Variants in ENOX1 observed in about 807,000 individuals in gnomAD.
ENOX1 encodes candidate growth-related and time keeping constitutive hydroquinone (NADH) oxidase.
A neutral mutation model predicts 82.5 loss-of-function variants in ENOX1; 42 were observed. The observed-to-expected ratio is 0.51, with a 90% CI of 0.40 to 0.66. The LOEUF is 0.66. ENOX1 is among the 30% of genes least tolerant of loss of function. The pLI, the probability that ENOX1 is intolerant of heterozygous loss-of-function variation, is 0.00. For missense variants in ENOX1, 608 were observed against 811.6 expected (o/e 0.75, Z 3.05); for synonymous variants, 271 against 282.2 (o/e 0.96, Z 0.40).
intron 5 of ENOX1, among the ~76,000 whole-genome samples, 158 bp downstream of exon 5, chr13:43,411,758 G>A (rs564076047): frequency 7.2e-5 from 11 of 152,332 alleles, no homozygotes; most frequent in African/African-American, 2.6e-4. Context: ...AGAGAAAGGT[G>A]ATGAGGAAAA....
At chr13:43,415,057 T>C (rs1217136805) in intron 3 of ENOX1, among the ~76,000 whole-genome samples, 1 of 152,132 alleles carries the variant, frequency 6.6e-6, no homozygotes, top group Admixed American at 6.5e-5. Context: ...AATACTTTCA[T>C]GGCCATCTTA....
intron 9 of ENOX1, among the ~76,000 whole-genome samples, chr13:43,342,909 C>T (rs1030574160): frequency 6.6e-6 from 1 of 152,174 alleles, no homozygotes; most frequent in Non-Finnish European, 1.5e-5. Flanking sequence ...ATCACAGGGG[C>T]ATTTTAATAG....
At chr13:43,440,263 A>T (rs74375741) in intron 3 of ENOX1, among the ~76,000 whole-genome samples, 2,481 of 152,288 alleles carry the variant, frequency 0.016, 57 homozygotes, top group African/African-American at 0.056. Flanking sequence ...TAGACAAAAA[A>T]CCACTAAATG....
intron 2 of ENOX1, among the ~76,000 whole-genome samples, chr13:43,567,083 C>A (rs994106662): frequency 4.6e-5 from 7 of 152,090 alleles, no homozygotes; most frequent in African/African-American, 1.7e-4. Context: ...TATTTCCATG[C>A]CAATTACTGA....
At chr13:43,516,643 T>C (rs2077571690) in intron 2 of ENOX1, among the ~76,000 whole-genome samples, 1 of 152,102 alleles carries the variant, frequency 6.6e-6, no homozygotes, top group Non-Finnish European at 1.5e-5. Context: ...CTGCAGTACT[T>C]TGGTTCTTTG....
chr13:43,653,815 G>A (rs764579921), intron 2 of ENOX1, among the ~76,000 whole-genome samples: 5 of 152,056 alleles, frequency 3.3e-5, no homozygotes, highest in African/African-American at 7.2e-5. Flanking sequence ...GTGGGACAGG[G>A]ATAAGGTGCT....
At chr13:43,575,566 C>G (rs185968179) in intron 2 of ENOX1, among the ~76,000 whole-genome samples, 1 of 152,126 alleles carries the variant, frequency 6.6e-6, no homozygotes, top group African/African-American at 2.4e-5. Context: ...CTAAGAAGAA[C>G]CTCTGCCTTC....
chr13:43,276,210 C>T (rs897511789), intron 12 of ENOX1, among the ~76,000 whole-genome samples: 4 of 152,248 alleles, frequency 2.6e-5, no homozygotes, highest in African/African-American at 9.6e-5. Flanking sequence ...GAATTCTCAC[C>T]AAAGGCGATG....
At chr13:43,752,771 G>A (rs1260319738) in intron 1 of ENOX1, among the ~76,000 whole-genome samples, 1 of 151,862 alleles carries the variant, frequency 6.6e-6, no homozygotes, top group Non-Finnish European at 1.5e-5. Context: ...GATTACTGTA[G>A]CATTACAAGT....
At chr13:43,754,490 G>C (rs776339112) in intron 1 of ENOX1, among the ~76,000 whole-genome samples, 2 of 151,092 alleles carry the variant, frequency 1.3e-5, no homozygotes, top group African/African-American at 4.9e-5. Context: ...GTGCCACTAC[G>C]CCTGGCTAGT....
At chr13:43,262,203 AT>A (rs570927496) in intron 14 of ENOX1, among the ~76,000 whole-genome samples, 40 of 152,100 alleles carry the variant, frequency 2.6e-4, no homozygotes, top group Admixed American at 1.8e-3. Context: ...AGATACCAAG[AT>A]TTTTTTTCCT....
At chr13:43,684,095 CAA>C (rs55919280) in intron 1 of ENOX1, among the ~76,000 whole-genome samples, 2 of 106,466 alleles carry the variant, frequency 1.9e-5, no homozygotes, top group Non-Finnish European at 1.8e-5. Context: ...GACTCTGTCT[CAA>C]AAAAAAAAAA....
chr13:43,484,176 G>A (rs1040978465), intron 2 of ENOX1, 24 bp from the exon 3 acceptor site: 75 of 984,088 alleles, frequency 7.6e-5, no homozygotes, highest in Middle Eastern at 5.2e-4. Context: ...AAAGCACACC[G>A]TTAGGATATG....
chr13:43,371,064 A>G (rs1485795153), intron 5 of ENOX1, among the ~76,000 whole-genome samples: 1 of 152,036 alleles, frequency 6.6e-6, no homozygotes, highest in African/African-American at 2.4e-5. Context: ...TCACATCCCT[A>G]TCTCATTAGC....
intron 11 of ENOX1, 104 bp downstream of exon 11, chr13:43,322,280 T>C: frequency 1.2e-6 from 1 of 806,734 alleles, no homozygotes; most frequent in East Asian, 2.5e-5. Flanking sequence ...AAGTTTAGTA[T>C]AATTCAAATA....
intron 2 of ENOX1, among the ~76,000 whole-genome samples, chr13:43,521,703 G>A (rs2077776937): frequency 1.3e-5 from 2 of 152,098 alleles, no homozygotes; most frequent in Admixed American, 1.3e-4. Context: ...AAGACCTACT[G>A]AAAATATAAA....
At chr13:43,513,416 G>A (rs2077444313) in intron 2 of ENOX1, among the ~76,000 whole-genome samples, 1 of 152,114 alleles carries the variant, frequency 6.6e-6, no homozygotes, top group Non-Finnish European at 1.5e-5. Context: ...CACAGGCTGG[G>A]ACTATTACTG....
At chr13:43,523,562 A>G (rs989204914) in intron 2 of ENOX1, among the ~76,000 whole-genome samples, 80 of 152,192 alleles carry the variant, frequency 5.3e-4, no homozygotes, top group Non-Finnish European at 4.4e-5. Flanking sequence ...CCCCATTAGC[A>G]GCTAAACTAT....
chr13:43,340,824 T>C (rs1250603579), intron 9 of ENOX1, among the ~76,000 whole-genome samples: 1 of 152,224 alleles, frequency 6.6e-6, no homozygotes, highest in African/African-American at 2.4e-5. Context: ...ATCTACTCAT[T>C]CATTCACTCA....
Sources: gnomAD v4.1 joint callset for allele counts (sites outside exome capture counted in the v4.1 genomes callset) on GRCh38, gnomAD v4.1.1 for gene constraint, MANE v1.5 for transcripts, NCBI Gene and HGNC (gene_info 2026-07-23, HGNC 2026-07-21) for gene names.